Variants in CCND3 observed in about 807,000 individuals in gnomAD.
The protein encoded by CCND3 is cyclin D3, also known as G1/S-specific cyclin-D3.
CCND3 carries 9 observed loss-of-function variants against 28.7 expected under a neutral mutation model. The observed-to-expected ratio is 0.31, with a 90% CI of 0.19 to 0.55. The LOEUF (loss-of-function observed/expected upper bound fraction) is 0.55. Ranked by LOEUF, CCND3 falls within the 20% of genes least tolerant of loss-of-function variation. The probability of loss-of-function intolerance (pLI) is 0.93; values close to 1 mark genes in which losing one functional copy is unlikely to be tolerated. For missense variants in CCND3, 315 were observed against 385.8 expected, an observed-to-expected ratio of 0.82 and a Z score of 1.54; for synonymous variants, 164 against 163.9, an observed-to-expected ratio of 1.00 and a Z score of 0.00.
chr6:42,044,299 AG>A (rs1562001625), intron 1 of CCND3, among the ~76,000 whole-genome samples: 1 of 152,186 alleles, frequency 6.6e-6, no homozygotes, highest in Non-Finnish European at 1.5e-5. Flanking sequence ...CTGGGAGCAG[AG>A]GCTCCCTGAA....
At chr6:42,041,207 C>T (rs1455992465) in intron 1 of CCND3, among the ~76,000 whole-genome samples, 1 of 152,130 alleles carries the variant, frequency 6.6e-6, no homozygotes. Context: ...TTTCTGAGGA[C>T]CACCCAGGAG....
At chr6:42,009,806 C>CA (rs1017615340) in intron 1 of CCND3, among the ~76,000 whole-genome samples, 12 of 151,464 alleles carry the variant, frequency 7.9e-5, no homozygotes, top group Admixed American at 2.0e-4. Context: ...GACCCTGTCT[C>CA]AAAAAAAATA....
intron 1 of CCND3, among the ~76,000 whole-genome samples, chr6:41,995,254 G>A (rs1363403303): frequency 6.6e-6 from 1 of 151,834 alleles, no homozygotes; most frequent in African/African-American, 2.4e-5. Flanking sequence ...TATGTATGAG[G>A]TTTTTCTTTT....
intron 1 of CCND3, among the ~76,000 whole-genome samples, chr6:42,013,515 T>C (rs1763400100): frequency 6.6e-6 from 1 of 152,202 alleles, no homozygotes; most frequent in Non-Finnish European, 1.5e-5. Context: ...AATAAATACA[T>C]GTTGAGCAAA....
Position 41,969,047 on chromosome 6 carries a change from C to T in CCND3, c.-45-28462G>A, listed in dbSNP as rs1009084718. Among the ~76,000 whole-genome samples, 5 of 152,066 alleles carry T rather than the reference C, an allele frequency of 3.3e-5. No homozygotes were observed. The South Asian group carries it at 6.2e-4, about 19-fold the overall frequency. On this transcript the variant is annotated intron_variant, in intron 1 of 4. Coordinates refer to the CCND3 transcript ENST00000372988. ...CTGACCTAAAGTGATCTGCCCGCCTCGGCCCCTCAAAGTGCTGGGATTACA... is the reference window on the plus strand; with the variant it reads ...CTGACCTAAAGTGATCTGCCCGCCTTGGCCCCTCAAAGTGCTGGGATTACA...
intron 1 of CCND3, among the ~76,000 whole-genome samples, chr6:41,959,679 T>TCCGTCTAAAAAAAAAAAAAAAA (rs772818142): frequency 6.1e-5 from 9 of 147,208 alleles, no homozygotes; most frequent in East Asian, 2.0e-4. Flanking sequence ...ACAGCAAGAC[T>TCCGTCTAAAAAAAAAAAAAAAA]AAATCAGGCC....
intron 1 of CCND3, among the ~76,000 whole-genome samples, chr6:41,987,477 TTCTCTCTCTCTCTCTCTCTC>T (rs71544258): frequency 7.9e-6 from 1 of 126,394 alleles, no homozygotes; most frequent in Non-Finnish European, 1.7e-5. Context: ...GACCAGGCTT[TTCTCTCTCTCTCTCTCTCTC>T]TCTCTCTCTC....
chr6:42,047,596 G>A (rs1371133319), intron 1 of CCND3, among the ~76,000 whole-genome samples: 1 of 152,150 alleles, frequency 6.6e-6, no homozygotes, highest in Non-Finnish European at 1.5e-5. Flanking sequence ...GTACCCAGCT[G>A]GGAATTCCTG....
At chr6:42,015,817 T>A (rs1763488529) in intron 1 of CCND3, among the ~76,000 whole-genome samples, 1 of 152,226 alleles carries the variant, frequency 6.6e-6, no homozygotes. Flanking sequence ...GTGGAATGGC[T>A]AAATCAAGCT....
At chr6:42,030,429 T>C (rs750800956) in intron 1 of CCND3, among the ~76,000 whole-genome samples, 17 of 152,162 alleles carry the variant, frequency 1.1e-4, no homozygotes, top group African/African-American at 3.4e-4. Flanking sequence ...GATGAGGCTA[T>C]GATGAGGCAT....
intron 1 of CCND3, among the ~76,000 whole-genome samples, chr6:42,004,795 G>C (rs2127424151): frequency 6.6e-6 from 1 of 152,268 alleles, no homozygotes; most frequent in Non-Finnish European, 1.5e-5. Flanking sequence ...CTTTTAAAGT[G>C]AAAGGGAGTA....
intron 1 of CCND3, among the ~76,000 whole-genome samples, chr6:41,969,309 T>G (rs6458250): frequency 1.3e-5 from 2 of 151,550 alleles, no homozygotes; most frequent in Admixed American, 1.3e-4. Context: ...GTCAAGAGAT[T>G]GAGACCATCC....
At chr6:41,953,864 G>C (rs1260976561) in intron 1 of CCND3, among the ~76,000 whole-genome samples, 1 of 151,840 alleles carries the variant, frequency 6.6e-6, no homozygotes, top group Non-Finnish European at 1.5e-5. Context: ...TGCTTTGTGT[G>C]AGAATGGAGG....
chr6:41,999,846 G>A (rs1380619669), intron 1 of CCND3, among the ~76,000 whole-genome samples: 5 of 152,238 alleles, frequency 3.3e-5, no homozygotes, highest in East Asian at 1.9e-4. Flanking sequence ...AGCTATGATC[G>A]TGCCACTGCA....
At position 41,935,291 on chromosome 6, in the gene CCND3, A is replaced by G. The variant is rs527958754; in HGVS notation, c.*649T>C. On this transcript the variant is annotated 3_prime_UTR_variant, in exon 5 of 5. Coordinates refer to ENST00000372991, the MANE Select transcript of CCND3 (RefSeq NM_001760.5). ...TTATGTCCTCTTAAAGTTGTGCTCA[A>G]AGCAATTAATAAATTAAAATGAGCC... is the stretch of plus-strand genomic sequence containing the variant. The G allele has an allele frequency of 3.4e-5, 8 of 233,892 alleles. No homozygotes were observed. The East Asian group carries it at 4.8e-4, about 14-fold the overall frequency. 14.5% of individuals were successfully genotyped at this position (233,892 alleles called of 1,614,324 possible).
Position 41,936,867 on chromosome 6 carries a change from AG to A in CCND3, c.575-173del. ...TCAGCAAGGGAGGAAGACAGGAAAG[AG>A]TATCTTTCCTAGAGATCAGAACCAA... On this transcript the variant is annotated intron_variant, in intron 3 of 4. Transcript: ENST00000372991. This position sits in a 1 kb window ranked among gnomAD's most constrained non-coding sequence, Gnocchi z 4.4. 1 of 659,238 alleles carries A rather than the reference AG, an allele frequency of 1.5e-6. No homozygotes were observed. Among genetic ancestry groups the A allele is most frequent in the East Asian group, 2.7e-5 (1 of 36,434 alleles). 40.8% of individuals were successfully genotyped at this position (659,238 alleles called of 1,614,324 possible).
At position 41,936,788 on chromosome 6, in the gene CCND3, A is replaced by G; in HGVS notation, c.575-93T>C. 1 of 1,368,806 alleles carries G rather than the reference A, an allele frequency of 7.3e-7. No homozygotes were observed. Among genetic ancestry groups the G allele is most frequent in the Non-Finnish European group, 1.0e-6 (1 of 985,208 alleles). The allele number at this position is 1,368,806 out of a possible 1,614,324, so 84.8% of individuals were successfully genotyped here. On this transcript the variant is annotated intron_variant, in intron 3 of 4. Coordinates refer to ENST00000372991, the MANE Select transcript of CCND3 (RefSeq NM_001760.5). This position sits in a 1 kb window ranked among gnomAD's most constrained non-coding sequence, Gnocchi z 4.4. ...GACTCCTTGGAAAGTGCCAGGCAGC[A>G]TGAGTAGAGCAGAGGACATGCTGGA...
intron 1 of CCND3, among the ~76,000 whole-genome samples, chr6:41,956,475 C>T (rs919115399): frequency 3.9e-5 from 6 of 152,232 alleles, no homozygotes; most frequent in African/African-American, 4.8e-5. Context: ...TGATCCTCAA[C>T]GTTCTAAAGG....
upstream of CCND3, among the ~76,000 whole-genome samples, chr6:41,945,021 G>GT (rs899568834): frequency 1.3e-5 from 2 of 151,970 alleles, no homozygotes; most frequent in African/African-American, 4.8e-5. Context: ...TTTTGTTTTT[G>GT]TTTTTCTAAA....
Sources: gnomAD v4.1 joint callset for allele counts (sites outside exome capture counted in the v4.1 genomes callset) on GRCh38, gnomAD v4.1.1 for gene constraint, Gnocchi (gnomAD v3.1) non-coding constraint, MANE v1.5 for transcripts, NCBI Gene and HGNC (gene_info 2026-07-23, HGNC 2026-07-21) for gene names.